Variants in RPAP3 observed in about 807,000 individuals in gnomAD.
RPAP3 encodes RNA polymerase II associated protein 3.
Under a neutral mutation model 88.8 loss-of-function variants are expected in RPAP3, and 58 were observed. The ratio of observed to expected loss-of-function variants is 0.65; its 90% CI spans 0.53 to 0.81. The LOEUF is 0.81. Ranked by LOEUF, RPAP3 falls within the 40% of genes least tolerant of loss-of-function variation. The probability of loss-of-function intolerance (pLI) is 0.00; values close to 1 mark genes in which losing one functional copy is unlikely to be tolerated. For synonymous variants in RPAP3, 255 were observed against 259.9 expected (o/e 0.98, Z 0.18); for missense variants, 751 against 764.3 (o/e 0.98, Z 0.20).
Position 47,668,925 on chromosome 12 carries a change from C to T in RPAP3, c.1704G>A (p.Gln568=), listed in dbSNP as rs774668751. Residue 568 remains glutamine (Q), a synonymous_variant, in exon 14 of 17, where the codon CAG becomes CAA. Coordinates refer to ENST00000005386, the MANE Select transcript of RPAP3 (RefSeq NM_024604.3). ...QLKSSPDMLY[Q]YLKQIEPSLY... The stretch of plus-strand genomic sequence containing the variant: ...CCTTCCTCTCTCTTACCTTTAAATA[C>T]TGATACAACATATCTGGAGAACTTT... The T allele has an allele frequency of 3.7e-6, 6 of 1,612,318 alleles. No individual in the cohort carries two copies. In the East Asian group the frequency reaches 1.3e-4, roughly 36 times the overall value.
chr12:47,696,223 C>T (rs1565722418), intron 5 of RPAP3, 53 bp downstream of exon 5: 1 of 1,361,990 alleles, frequency 7.3e-7, no homozygotes, highest in Non-Finnish European at 9.6e-7. Context: ...TTTAATAAGT[C>T]TCCATATATA....
intron 16 of RPAP3, 99 bp downstream of exon 16, chr12:47,666,881 C>T: frequency 2.3e-6 from 1 of 439,186 alleles, no homozygotes. Context: ...TAAATATAAC[C>T]TTATACACAA....
At chr12:47,685,987 G>A (rs1353431381) in intron 9 of RPAP3, among the ~76,000 whole-genome samples, 2 of 151,968 alleles carry the variant, frequency 1.3e-5, no homozygotes, top group Non-Finnish European at 2.9e-5. Flanking sequence ...TGATATAATT[G>A]GTTTCCTTTG....
chr12:47,690,907 A>G (rs1334050092), intron 5 of RPAP3, among the ~76,000 whole-genome samples: 1 of 152,262 alleles, frequency 6.6e-6, no homozygotes, highest in African/African-American at 2.4e-5. Flanking sequence ...AGTGCATACA[A>G]AAGTTTTATT....
In RPAP3 at chr12:47,696,802, T is replaced by C. The variant is rs76798446; in HGVS notation, c.418-399A>G. Among the ~76,000 whole-genome samples, 1,337 of 152,330 alleles carry C rather than the reference T, an allele frequency of 8.8e-3. 19 individuals carry two copies. Among genetic ancestry groups the C allele is most frequent in the African/African-American group, 0.03 (1,228 of 41,556 alleles). The stretch of plus-strand genomic sequence containing the variant: ...ATATAATACATATAACGCATAAAAT[T>C]TGTGCTAATCAACTATTTGTATTAT... On this transcript the variant is annotated intron_variant, in intron 4 of 16. Transcript: ENST00000005386.
In RPAP3 at chr12:47,681,829, G is replaced by A; in HGVS notation, c.993-12C>T. ...CAGCTTCTTCATATCTATTGAACAT[G>A]ATAAAATTACTGACTGGAAAAAAGG... On this transcript the variant is annotated splice_polypyrimidine_tract_variant and intron_variant, in intron 9 of 16. Coordinates refer to ENST00000005386, the MANE Select transcript of RPAP3 (RefSeq NM_024604.3). 1.3e-6 allele frequency: 2 copies of A among 1,557,496 alleles called. No individual in the cohort carries two copies. The highest frequency in any genetic ancestry group is 1.7e-6 in the Non-Finnish European group (2 of 1,159,620).
At chr12:47,673,957 T>C (rs956015223) in intron 12 of RPAP3, among the ~76,000 whole-genome samples, 2 of 151,968 alleles carry the variant, frequency 1.3e-5, no homozygotes, top group Non-Finnish European at 2.9e-5. Flanking sequence ...ATAAGAGAAA[T>C]AGGCAGAAAT....
At position 47,661,548 on chromosome 12, in the gene RPAP3, C is replaced by G. The variant is rs1938760138; in HGVS notation, c.*1957G>C. The G allele has an allele frequency of 6.6e-6, 1 of 152,212 alleles. No individual in the cohort carries two copies. The highest frequency in any genetic ancestry group is 1.5e-5 in the Non-Finnish European group (1 of 68,036). 9.4% of individuals were successfully genotyped at this position (152,212 alleles called of 1,614,324 possible). ...GAATTCAAACTCAAGAAGTCTGAAT[C>G]CAGAGCCTCTGGTCTTAAATCACTA... On this transcript the variant is annotated 3_prime_UTR_variant, in exon 17 of 17. Transcript: ENST00000005386.
rs1471526012 is a variant in RPAP3, at chr12:47,702,780, ATTC to A, written c.58_60del (p.Glu20del). The A allele has an allele frequency of 1.9e-6, 3 of 1,612,552 alleles. No individual in the cohort carries two copies. The highest frequency in any genetic ancestry group is 1.3e-5 in the African/African-American group (1 of 74,850). On this transcript the variant is annotated inframe_deletion, in exon 2 of 17. Coordinates refer to ENST00000005386, the MANE Select transcript of RPAP3 (RefSeq NM_024604.3). ...TCTAAATCCCGCATAAAGTCTTGTA[ATTC>A]TTCTGCATTTTGTTTCACTTGTAGT... is the stretch of plus-strand genomic sequence containing the variant.
chr12:47,687,784 T>A, intron 8 of RPAP3, 92 bp downstream of exon 8: 1 of 1,411,042 alleles, frequency 7.1e-7, no homozygotes, highest in South Asian at 1.5e-5. Context: ...AAAACTTTAA[T>A]ATTAGAGAAG....
rs951470896 is a variant in RPAP3, at chr12:47,663,438, A to G, written c.*67T>C. The G allele has an allele frequency of 3.9e-6, 4 of 1,019,270 alleles. No individual in the cohort carries two copies. The highest frequency in any genetic ancestry group is 6.0e-6 in the Non-Finnish European group (4 of 667,274). 63.1% of individuals were successfully genotyped at this position (1,019,270 alleles called of 1,614,324 possible). ...ATATAATTTCATTTTCTTAAAAAGC[A>G]AAACACTTTCAGTAGAAAAAATTTA... On this transcript the variant is annotated 3_prime_UTR_variant, in exon 17 of 17. Coordinates refer to ENST00000005386, the MANE Select transcript of RPAP3 (RefSeq NM_024604.3).
chr12:47,704,772 T>A (rs1486777892), intron 1 of RPAP3, among the ~76,000 whole-genome samples: 1 of 150,476 alleles, frequency 6.6e-6, no homozygotes, highest in Admixed American at 6.6e-5. Flanking sequence ...GAGGCAGAGG[T>A]TGGGGGGCAG....
At chr12:47,675,517 G>A (rs1046592413) in intron 12 of RPAP3, among the ~76,000 whole-genome samples, 4 of 152,046 alleles carry the variant, frequency 2.6e-5, no homozygotes, top group Non-Finnish European at 5.9e-5. Context: ...GTGCAAAGAC[G>A]CACATAGGCT....
rs1938777065 is a variant in RPAP3 at position 47,662,328 on chromosome 12, T to G, written c.*1177A>C. The G allele has an allele frequency of 6.6e-6, 1 of 152,232 alleles. No individual in the cohort carries two copies. The highest frequency in any genetic ancestry group is 6.5e-5 in the Admixed American group (1 of 15,290). 9.4% of individuals were successfully genotyped at this position (152,232 alleles called of 1,614,324 possible). A position where few individuals can be genotyped will look rare whatever the true frequency, so the allele number is the denominator to read the frequency against. On this transcript the variant is annotated 3_prime_UTR_variant, in exon 17 of 17. Coordinates refer to ENST00000005386, the MANE Select transcript of RPAP3 (RefSeq NM_024604.3). ...TTAATAAACTCTATCAAGTGTATTT[T>G]AAAGCATTCAAACTATCCAAATTAC... is the stretch of plus-strand genomic sequence containing the variant.
intron 16 of RPAP3, among the ~76,000 whole-genome samples, chr12:47,663,861 A>C (rs1938810887): frequency 6.6e-6 from 1 of 152,192 alleles, no homozygotes; most frequent in African/African-American, 2.4e-5. Context: ...GATTAAACTT[A>C]ATTCATTCTG....
chr12:47,687,728 G>A (rs1311196010), intron 8 of RPAP3, 148 bp downstream of exon 8: 1 of 733,498 alleles, frequency 1.4e-6, no homozygotes, highest in African/African-American at 1.8e-5. Flanking sequence ...TGAATTAGTA[G>A]GTCCCAGAGG....
intron 2 of RPAP3, among the ~76,000 whole-genome samples, 169 bp downstream of exon 2, chr12:47,702,519 A>G (rs2136646873): frequency 6.6e-6 from 1 of 152,282 alleles, no homozygotes; most frequent in South Asian, 2.1e-4. Flanking sequence ...GCGCCACTGC[A>G]CTCCAGCCTG....
Position 47,686,837 on chromosome 12 carries a change from TCTG to T in RPAP3, c.932_934del (p.Ala311del). The T allele has an allele frequency of 6.2e-7, 1 of 1,605,010 alleles. No individual in the cohort carries two copies. The highest frequency in any genetic ancestry group is 2.2e-5 in the East Asian group (1 of 44,706). On this transcript the variant is annotated inframe_deletion, in exon 9 of 17. Coordinates refer to ENST00000005386, the MANE Select transcript of RPAP3 (RefSeq NM_024604.3). ...AGCTGGAAGAAGGGCATTAGCACCA[TCTG>T]CTGCTATCCCTCGAGTATAGCATTC...
At chr12:47,704,011 G>C (rs1340903870) in intron 1 of RPAP3, among the ~76,000 whole-genome samples, 2 of 152,186 alleles carry the variant, frequency 1.3e-5, no homozygotes, top group East Asian at 3.8e-4. Flanking sequence ...TTATTTGTTT[G>C]GGATATGCTG....
Sources: gnomAD v4.1 joint callset for allele counts (sites outside exome capture counted in the v4.1 genomes callset) on GRCh38, gnomAD v4.1.1 for gene constraint, MANE v1.5 for transcripts, NCBI Gene and HGNC (gene_info 2026-07-23, HGNC 2026-07-21) for gene names.